Variants in LARP7 observed in about 807,000 individuals in gnomAD.
LARP7 encodes la-related protein 7.
Under a neutral mutation model 69.3 loss-of-function variants are expected in LARP7, and 52 were observed. The observed-to-expected ratio is 0.75, with a 90% confidence interval of 0.60 to 0.95. The LOEUF is 0.95. Among genes scored for constraint, LARP7 ranks in the 40% least tolerant of loss-of-function variants. The pLI is 0.00. For synonymous variants in LARP7, 254 were observed against 215.9 expected (o/e 1.18, Z -1.55); for missense variants, 733 against 673.0 (o/e 1.09, Z -0.99).
In LARP7 at chr4:112,654,135, G is replaced by A; in HGVS notation, c.1644G>A (p.Arg548=). The change falls in exon 12 of 13, where the codon CGG becomes CGA. Residue 548 remains arginine (R), a synonymous_variant. Coordinates refer to ENST00000344442, the MANE Select transcript of LARP7 (RefSeq NM_016648.4). ...VDRQAKLNQP[R]EKKRGTEKLI... Reference sequence around the variant, plus strand: ...GACAGGCAAAACTTAATCAGCCTCGGGAAAAGAAAAGAGGCACTGAAAAGG... The same window carrying A: ...GACAGGCAAAACTTAATCAGCCTCGAGAAAAGAAAAGAGGCACTGAAAAGG... 1 of 1,613,688 alleles carries A rather than the reference G, an allele frequency of 6.2e-7. No individual in the cohort carries two copies.
intron 1 of LARP7, among the ~76,000 whole-genome samples, chr4:112,640,179 T>TAA (rs2047905324): frequency 6.6e-6 from 1 of 152,162 alleles, no homozygotes; most frequent in Admixed American, 6.5e-5. Flanking sequence ...CCTCAAGTGA[T>TAA]ACACCTGGCT....
chr4:112,646,726 T>A (rs2048280248), intron 4 of LARP7, 55 bp downstream of exon 4: 1 of 1,552,824 alleles, frequency 6.4e-7, no homozygotes, highest in African/African-American at 1.4e-5. Context: ...ACAATATAAT[T>A]AAGTTAAAAA....
intron 1 of LARP7, among the ~76,000 whole-genome samples, chr4:112,643,728 G>A (rs1358717965): frequency 6.6e-6 from 1 of 152,070 alleles, no homozygotes; most frequent in African/African-American, 2.4e-5. Context: ...AGTGGTGCCT[G>A]TATTCCCAGC....
intron 12 of LARP7, among the ~76,000 whole-genome samples, chr4:112,656,273 A>G (rs2048951368): frequency 6.6e-6 from 1 of 151,910 alleles, no homozygotes; most frequent in Non-Finnish European, 1.5e-5. Context: ...TGGCACGCAC[A>G]TGTAATCCCA....
intron 8 of LARP7, chr4:112,648,358 A>G (rs533254696): frequency 1.9e-6 from 1 of 534,464 alleles, no homozygotes; most frequent in Non-Finnish European, 3.8e-6. Flanking sequence ...GCTGGCTTGG[A>G]GACACCTCCA....
At chr4:112,656,161 T>A (rs1156301080) in intron 12 of LARP7, among the ~76,000 whole-genome samples, 2 of 152,130 alleles carry the variant, frequency 1.3e-5, no homozygotes, top group Non-Finnish European at 2.9e-5. Context: ...TCCCAGCACT[T>A]TAGGAGGCTG....
At chr4:112,638,567 A>G (rs1352791175) in intron 1 of LARP7, among the ~76,000 whole-genome samples, 1 of 152,280 alleles carries the variant, frequency 6.6e-6, no homozygotes, top group South Asian at 2.1e-4. Flanking sequence ...CTGCTTTTTA[A>G]ATTCTCCTTT....
intron 1 of LARP7, among the ~76,000 whole-genome samples, chr4:112,643,767 G>A (rs2048051019): frequency 6.6e-6 from 1 of 151,778 alleles, no homozygotes; most frequent in Admixed American, 6.6e-5. Flanking sequence ...AGGGAGAATC[G>A]CTTGAACCCA....
chr4:112,652,977 T>G (rs2048812705), intron 10 of LARP7, 100 bp from the exon 11 acceptor site: 6 of 840,566 alleles, frequency 7.1e-6, no homozygotes, highest in South Asian at 2.7e-5. Context: ...GCAAAATGCT[T>G]TATTTACATA....
intron 11 of LARP7, 23 bp from the exon 12 acceptor site, chr4:112,654,045 C>G (rs771270810): frequency 3.2e-6 from 5 of 1,546,464 alleles, no homozygotes; most frequent in Non-Finnish European, 4.5e-6. Context: ...TTTCATCCAT[C>G]AGAGTCTTTG....
At chr4:112,642,712 T>C (rs372998253) in intron 1 of LARP7, among the ~76,000 whole-genome samples, 1 of 152,182 alleles carries the variant, frequency 6.6e-6, no homozygotes, top group African/African-American at 2.4e-5. Flanking sequence ...AATTCACTAC[T>C]TTTTTCTCCC....
In LARP7 at chr4:112,657,279, A is replaced by G. The variant is rs2048994283; in HGVS notation, c.1701A>G (p.Ala567=). 6 of 1,596,182 alleles carry G rather than the reference A, an allele frequency of 3.8e-6. No homozygotes were observed. Among genetic ancestry groups the G allele is most frequent in the Non-Finnish European group, 5.1e-6 (6 of 1,171,150 alleles). ...CCAAAGCTGAAAAGATTAGACTGGC[A>G]AAGACTCAACAAGCGAGTAAACATA... The part of the protein sequence containing the change: ...LITKAEKIRL[A]KTQQASKHIR... Residue 567 remains alanine, a synonymous_variant, in exon 13 of 13, where the codon GCA becomes GCG. Coordinates refer to ENST00000344442, the MANE Select transcript of LARP7 (RefSeq NM_016648.4).
At chr4:112,643,705 G>A (rs182439209) in intron 1 of LARP7, among the ~76,000 whole-genome samples, 76 of 152,238 alleles carry the variant, frequency 5.0e-4, no homozygotes, top group African/African-American at 1.8e-3. Flanking sequence ...AAAATTAGCC[G>A]GGTGTGATTG....
chr4:112,646,980 A>C, intron 5 of LARP7, 25 bp downstream of exon 5: 1 of 1,578,128 alleles, frequency 6.3e-7, no homozygotes, highest in Non-Finnish European at 8.5e-7. Flanking sequence ...TAAAAAAAAA[A>C]AAAGAAAGAA....
At chr4:112,649,079 T>C (rs970383754) in intron 8 of LARP7, among the ~76,000 whole-genome samples, 4 of 152,122 alleles carry the variant, frequency 2.6e-5, no homozygotes, top group Non-Finnish European at 5.9e-5. Flanking sequence ...GTTAAATGTA[T>C]GTAAATAAAT....
intron 12 of LARP7, among the ~76,000 whole-genome samples, chr4:112,655,971 GA>G (rs1266399478): frequency 2.0e-5 from 3 of 151,934 alleles, no homozygotes; most frequent in Admixed American, 6.6e-5. Context: ...AAATTGCTTA[GA>G]AAAAAAACTA....
At position 112,646,864 on chromosome 4, in the gene LARP7, T is replaced by C. The variant is rs1455104318; in HGVS notation, c.461T>C (p.Ile154Thr). 1 of 1,608,004 alleles carries C rather than the reference T, an allele frequency of 6.2e-7. No individual in the cohort carries two copies. Among genetic ancestry groups the C allele is most frequent in the Admixed American group, 1.7e-5 (1 of 59,202 alleles). Residue 154 changes from isoleucine (I) to threonine (T), a missense_variant, in exon 5 of 13, where the codon ATA (isoleucine) becomes ACA (threonine). Transcript: ENST00000344442. ...VFGKCGNVVY[I>T]SIPHYKSTGD... ...GGGAAATGTGGCAATGTTGTTTATA[T>C]AAGTATACCACATTATAAGTCTACT...
chr4:112,647,244 A>T lies in LARP7; in HGVS notation c.692A>T (p.Glu231Val), dbSNP rs1217556940. ...KKKKKGRMKK[E>V]DNIQAKEENM... ...AAGAAGAAAGGCCGAATGAAAAAGGAAGACAATATCCAAGCCAAAGAAGAA... is the reference window on the plus strand; with the variant it reads ...AAGAAGAAAGGCCGAATGAAAAAGGTAGACAATATCCAAGCCAAAGAAGAA... The change falls in exon 7 of 13, where the codon GAA becomes GTA. Residue 231 changes from glutamate (E) to valine (V), a missense_variant. By Grantham distance (121) the Glu-to-Val change is moderately radical. Transcript: ENST00000344442. 6.2e-7 allele frequency: 1 copy of T among 1,602,712 alleles called. No individual in the cohort carries two copies. Among genetic ancestry groups the T allele is most frequent in the Non-Finnish European group, 8.5e-7 (1 of 1,177,234 alleles).
chr4:112,653,273 T>C (rs750113988), intron 11 of LARP7, 37 bp downstream of exon 11: 8 of 1,514,510 alleles, frequency 5.3e-6, no homozygotes, highest in Admixed American at 4.5e-5. Context: ...TTTTTTGTTA[T>C]CATCCTTATT....
Sources: allele counts gnomAD v4.1 joint callset (sites outside exome capture counted in the v4.1 genomes callset), GRCh38; gene constraint gnomAD v4.1.1; transcripts MANE v1.5; gene names NCBI Gene and HGNC (gene_info 2026-07-23, HGNC 2026-07-21).